Variants in SCN2A observed in about 807,000 individuals in gnomAD.
SCN2A encodes sodium voltage-gated channel alpha subunit 2.
SCN2A carries 20 observed loss-of-function variants against 188.7 expected under a neutral mutation model. The ratio of observed to expected loss-of-function variants is 0.11; its 90% confidence interval spans 0.07 to 0.15. SCN2A has a LOEUF of 0.15. Ranked by LOEUF, SCN2A falls within the 10% of genes least tolerant of loss-of-function variation. SCN2A has a pLI of 1.00. For synonymous variants in SCN2A, 804 were observed against 833.1 expected (o/e 0.97, Z 0.60); for missense variants, 1,278 against 2,445.0 (o/e 0.52, Z 10.07).
chr2:165,339,072 T>A (rs1445082869), intron 14 of SCN2A, among the ~76,000 whole-genome samples: 2 of 151,572 alleles, frequency 1.3e-5, no homozygotes, highest in Non-Finnish European at 2.9e-5. Flanking sequence ...ATAGAAAAAA[T>A]TAGCTGAGCG....
intron 3 of SCN2A, among the ~76,000 whole-genome samples, chr2:165,307,158 G>T (rs912901290): frequency 3.9e-5 from 6 of 152,142 alleles, no homozygotes; most frequent in African/African-American, 1.4e-4. Context: ...CATCTATTAC[G>T]CACTAGGGCC....
intron 3 of SCN2A, among the ~76,000 whole-genome samples, chr2:165,297,844 C>G (rs556257737): frequency 1.3e-5 from 2 of 152,146 alleles, no homozygotes; most frequent in East Asian, 3.9e-4. Flanking sequence ...ATTTTTTATA[C>G]TCCTTATTGA....
Position 165,304,251 on chromosome 2 carries a change from C to T in SCN2A, c.387-3597C>T, listed in dbSNP as rs189683659. On this transcript the variant is annotated intron_variant, in intron 3 of 26. Transcript: ENST00000375437. ...TAGCTGGGATTACAGGCATCCGTCA[C>T]GCCTGGCTAATTTTTGTATTTTTAG... Among the ~76,000 whole-genome samples the T allele has an allele frequency of 9.9e-5, 15 of 152,108 alleles. No homozygotes were observed. The East Asian group carries it at 2.3e-3, about 24-fold the overall frequency.
chr2:165,269,019 T>C (rs1694994861), intron 1 of SCN2A: 1 of 151,778 alleles, frequency 6.6e-6, no homozygotes, highest in East Asian at 1.9e-4. Flanking sequence ...GAATGGAAAA[T>C]GTTGGTCAAA....
intron 11 of SCN2A, 48 bp downstream of exon 11, chr2:165,315,806 A>C: frequency 6.3e-7 from 1 of 1,590,440 alleles, no homozygotes; most frequent in Non-Finnish European, 8.6e-7. Context: ...ATTTTTTAAA[A>C]AAATATGCCA....
At chr2:165,313,516 T>G (rs1226079672) in intron 8 of SCN2A, 104 bp from the exon 9 acceptor site, 4 of 1,404,936 alleles carry the variant, frequency 2.8e-6, no homozygotes, top group Non-Finnish European at 4.0e-6. Flanking sequence ...TCGGCTTTTT[T>G]CTAGTGCCTG....
intron 16 of SCN2A, among the ~76,000 whole-genome samples, chr2:165,350,459 T>A (rs1699824375): frequency 8.9e-6 from 1 of 112,334 alleles, no homozygotes; most frequent in Non-Finnish European, 1.7e-5. Context: ...TGAACTGTTT[T>A]CTTTCTTTTT....
rs2105406956 is a variant in SCN2A at position 165,391,673 on chromosome 2, T to C, written c.*1849T>C. On this transcript the variant is annotated 3_prime_UTR_variant, in exon 27 of 27. Transcript: ENST00000375437. The stretch of plus-strand genomic sequence containing the variant: ...GAAAGAGGCTTAAAGAAAAAAAAAA[T>C]CAGCTGATACTCTTGGCATTGCTTG... The C allele has an allele frequency of 6.6e-6, 1 of 152,528 alleles. No individual in the cohort carries two copies. Among genetic ancestry groups the C allele is most frequent in the East Asian group, 1.9e-4 (1 of 5,180 alleles). 9.4% of individuals were successfully genotyped at this position (152,528 alleles called of 1,614,324 possible).
intron 8 of SCN2A, 102 bp downstream of exon 8, chr2:165,312,190 C>A: frequency 1.2e-6 from 1 of 844,796 alleles, no homozygotes; most frequent in Non-Finnish European, 2.0e-6. Flanking sequence ...TCACTCAAAA[C>A]CCTCCATAAA....
Position 165,323,294 on chromosome 2 carries a change from A to T in SCN2A, c.1810A>T (p.Asn604Tyr). ...TGATGAGCACAGCACCTTTGAGGACAATGACAGCCGAAGAGACTCTCTGTT... is the reference window on the plus strand; with the variant it reads ...TGATGAGCACAGCACCTTTGAGGACTATGACAGCCGAAGAGACTCTCTGTT... ...ADDEHSTFED[N>Y]DSRRDSLFVP... The change falls in exon 12 of 27, where the codon AAT (asparagine) becomes TAT (tyrosine). Residue 604 changes from asparagine (N) to tyrosine (Y), a missense_variant. By Grantham distance (143) the Asn-to-Tyr change is moderately radical. Coordinates refer to ENST00000375437, the MANE Select transcript of SCN2A (RefSeq NM_001040142.2). The T allele has an allele frequency of 6.2e-7, 1 of 1,614,198 alleles. No individual in the cohort carries two copies. The highest frequency in any genetic ancestry group is 1.3e-5 in the African/African-American group (1 of 75,040).
chr2:165,261,324 A>G (rs1170010680), intron 1 of SCN2A, among the ~76,000 whole-genome samples: 2 of 152,186 alleles, frequency 1.3e-5, no homozygotes, highest in Non-Finnish European at 2.9e-5. Flanking sequence ...CCACTTCTAT[A>G]TTTCTTCCAG....
At position 165,389,709 on chromosome 2, in the gene SCN2A, C is replaced by G. The variant is rs773545024; in HGVS notation, c.5903C>G (p.Ser1968Cys). Residue 1968 changes from serine to cysteine, a missense_variant, in exon 27 of 27, where the codon TCC becomes TGC. By Grantham distance (112) the Ser-to-Cys change is moderately radical. Transcript: ENST00000375437. The surrounding 1 kb of genome is among the most constrained non-coding windows in gnomAD (Gnocchi z 4.2). Reference sequence around the variant, plus strand: ...CCAGAGAAAACCGATATGACGCCTTCCACCACGTCTCCACCCTCGTATGAT... The same window carrying G: ...CCAGAGAAAACCGATATGACGCCTTGCACCACGTCTCCACCCTCGTATGAT... ...STPEKTDMTPSTTSPPSYDSV... is the reference protein window; with the variant it reads ...STPEKTDMTPCTTSPPSYDSV... The G allele has an allele frequency of 1.9e-6, 3 of 1,613,922 alleles. No homozygotes were observed. The highest frequency in any genetic ancestry group is 1.7e-5 in the Admixed American group (1 of 59,952).
chr2:165,366,270 T>G (rs1203570718), intron 18 of SCN2A, among the ~76,000 whole-genome samples: 1 of 152,224 alleles, frequency 6.6e-6, no homozygotes, highest in Non-Finnish European at 1.5e-5. Context: ...AGGCTATGTT[T>G]TACATGTTAT....
chr2:165,346,901 C>T (rs1324114366), intron 16 of SCN2A, among the ~76,000 whole-genome samples: 1 of 152,230 alleles, frequency 6.6e-6, no homozygotes, highest in Non-Finnish European at 1.5e-5. Context: ...GATACCACTT[C>T]ACGCCAGTTA....
chr2:165,310,420 A>G lies in SCN2A; in HGVS notation c.795A>G (p.Ile265Met). ...TVFCLSVFALIGLQLFMGNLR... is the reference protein window; with the variant it reads ...TVFCLSVFALMGLQLFMGNLR... The stretch of plus-strand genomic sequence containing the variant: ...TCTGTCTAAGCGTGTTTGCGCTAAT[A>G]GGATTGCAGTTGTTCATGGGCAACC... The change falls in exon 7 of 27, where the codon ATA becomes ATG. Residue 265 changes from isoleucine to methionine, a missense_variant. Around this residue, in one of 17 missense-constraint regions of SCN2A, gnomAD observed 37 missense variants for 154.9 expected, o/e 0.24. Coordinates refer to ENST00000375437, the MANE Select transcript of SCN2A (RefSeq NM_001040142.2). The G allele has an allele frequency of 1.9e-6, 3 of 1,613,692 alleles. No homozygotes were observed. The highest frequency in any genetic ancestry group is 2.5e-6 in the Non-Finnish European group (3 of 1,179,656).
At chr2:165,364,482 G>A (rs2105354485) in intron 17 of SCN2A, among the ~76,000 whole-genome samples, 1 of 152,326 alleles carries the variant, frequency 6.6e-6, no homozygotes, top group East Asian at 1.9e-4. Context: ...TAACAGGGCA[G>A]GTAAGAGTGC....
chr2:165,328,466 G>T (rs1480028582), intron 13 of SCN2A: 1 of 985,526 alleles, frequency 1.0e-6, no homozygotes, highest in Non-Finnish European at 1.2e-6. Flanking sequence ...CTGAGAGGAA[G>T]CTGCCAGTGG....
At chr2:165,303,867 C>T (rs978269772) in intron 3 of SCN2A, among the ~76,000 whole-genome samples, 2 of 151,884 alleles carry the variant, frequency 1.3e-5, no homozygotes, top group South Asian at 2.1e-4. Context: ...TGCCTGTTTT[C>T]GACTTATTAT....
intron 23 of SCN2A, among the ~76,000 whole-genome samples, chr2:165,378,766 CT>C (rs1222455163): frequency 1.4e-5 from 2 of 148,066 alleles, no homozygotes; most frequent in African/African-American, 4.9e-5. Context: ...ACCTTTTCCG[CT>C]GCAAAACTCC....
Sources: allele counts gnomAD v4.1 joint callset (sites outside exome capture counted in the v4.1 genomes callset), GRCh38; gene constraint gnomAD v4.1.1; regional missense constraint gnomAD v4.1.1; non-coding constraint Gnocchi (gnomAD v3.1); transcripts MANE v1.5; gene names NCBI Gene and HGNC (gene_info 2026-07-23, HGNC 2026-07-21).